PLAC1: variants seen among roughly 807,000 people sequenced by gnomAD.
PLAC1 encodes the protein placenta-specific protein 1.
For synonymous variants in PLAC1, 68 were observed against 62.1 expected (o/e 1.09, Z -0.44); for missense variants, 136 against 163.2 (o/e 0.83, Z 0.91).
At chrX:134,751,256 G>A (rs1284723938) in intron 1 of PLAC1, among the ~76,000 whole-genome samples, 2 of 108,875 alleles carry the variant, frequency 1.8e-5, no homozygotes, top group African/African-American at 3.4e-5. Flanking sequence ...TGAATGGGAC[G>A]GTGCAAATGT....
intron 1 of PLAC1, among the ~76,000 whole-genome samples, chrX:134,623,198 G>T (rs1338614375): frequency 1.8e-5 from 2 of 112,073 alleles, no homozygotes; most frequent in Non-Finnish European, 3.8e-5. Context: ...TGTGAACCCA[G>T]GGACACTAAG....
At chrX:134,615,250 G>C (rs2078173935) in intron 1 of PLAC1, among the ~76,000 whole-genome samples, 1 of 111,839 alleles carries the variant, frequency 8.9e-6, no homozygotes, top group Non-Finnish European at 1.9e-5. Context: ...GTTATCTTTT[G>C]ACTTGTTGAC....
intron 1 of PLAC1, chrX:134,604,474 C>T (rs1052420049): frequency 1.8e-5 from 2 of 111,853 alleles, no homozygotes; most frequent in Non-Finnish European, 3.8e-5. Context: ...CCTTTCATCT[C>T]TAGGGCCTCT....
intron 2 of PLAC1, among the ~76,000 whole-genome samples, chrX:134,567,775 G>A (rs1220185268): frequency 1.1e-5 from 1 of 91,811 alleles, no homozygotes; most frequent in African/African-American, 4.1e-5. Context: ...AAAAAAAAAA[G>A]GGAAGAAAGA....
At chrX:134,725,015 A>T (rs1042384811) in intron 2 of PLAC1, among the ~76,000 whole-genome samples, 1 of 110,750 alleles carries the variant, frequency 9.0e-6, no homozygotes, top group Non-Finnish European at 1.9e-5. Flanking sequence ...AAAAAAAAAA[A>T]ATTCCCACTT....
chrX:134,727,435 T>C, intron 2 of PLAC1, among the ~76,000 whole-genome samples: 1 of 112,274 alleles, frequency 8.9e-6, no homozygotes. Flanking sequence ...GGTTGCTCCA[T>C]GAAGATCTAA....
chrX:134,576,106 C>A (rs5933426), intron 2 of PLAC1, among the ~76,000 whole-genome samples: 54,989 of 107,285 alleles, frequency 0.51, 11,662 homozygotes, highest in East Asian at 0.66. Context: ...CACTGGACTA[C>A]AAATGTTTAG....
intron 1 of PLAC1, among the ~76,000 whole-genome samples, chrX:134,625,682 C>T (rs955686281): frequency 2.7e-5 from 3 of 111,597 alleles, no homozygotes; most frequent in Non-Finnish European, 5.6e-5. Flanking sequence ...TTGGCAGGGG[C>T]TGCTTCCTTG....
chrX:134,649,137 G>A lies in PLAC1; in HGVS notation c.-131+9191C>T, dbSNP rs183117637. ...CAAAAAATTAGCAGGGCGTGGTGGCGGGTGCCTGTAATCCCAGCTACTCAG... is the reference window on the plus strand; with the variant it reads ...CAAAAAATTAGCAGGGCGTGGTGGCAGGTGCCTGTAATCCCAGCTACTCAG... On this transcript the variant is annotated intron_variant, in intron 1 of 2. Coordinates refer to ENST00000359237, the MANE Select transcript of PLAC1 (RefSeq NM_021796.4). 4.1e-3 allele frequency among the ~76,000 whole-genome samples: 444 copies of A among 108,250 alleles called. 1 individual carries two copies. Among genetic ancestry groups the A allele is most frequent in the African/African-American group, 0.014 (427 of 29,654 alleles). The allele number at this position is 108,250 out of a possible 115,157, so 94.0% of individuals were successfully genotyped here.
chrX:134,583,127 G>T (rs1477091785), intron 2 of PLAC1, among the ~76,000 whole-genome samples: 1 of 111,580 alleles, frequency 9.0e-6, no homozygotes, highest in Non-Finnish European at 1.9e-5. Context: ...TATTATTGTT[G>T]AATATAGAAA....
chrX:134,671,189 A>G (rs2078454217), intron 2 of PLAC1, among the ~76,000 whole-genome samples: 1 of 111,973 alleles, frequency 8.9e-6, no homozygotes, highest in Non-Finnish European at 1.9e-5. Flanking sequence ...CTAGATCAAT[A>G]GACTGGCATG....
At chrX:134,618,605 G>A (rs1019475359) in intron 1 of PLAC1, among the ~76,000 whole-genome samples, 2 of 111,310 alleles carry the variant, frequency 1.8e-5, no homozygotes, top group African/African-American at 6.5e-5. Context: ...TAGTAGAGAC[G>A]TGTTTTCGTT....
intron 2 of PLAC1, among the ~76,000 whole-genome samples, chrX:134,675,717 C>T (rs2078472232): frequency 9.0e-6 from 1 of 110,805 alleles, no homozygotes; most frequent in South Asian, 3.8e-4. Flanking sequence ...ATTTATGTCC[C>T]CAAAGGATGG....
intron 1 of PLAC1, among the ~76,000 whole-genome samples, chrX:134,750,459 G>A (rs759629117): frequency 9.1e-6 from 1 of 109,865 alleles, no homozygotes; most frequent in Non-Finnish European, 1.9e-5. Context: ...AAACATTTAC[G>A]CTATGGGTCT....
intron 2 of PLAC1, among the ~76,000 whole-genome samples, chrX:134,725,573 GAAC>G (rs1202507498): frequency 1.8e-5 from 2 of 111,973 alleles, no homozygotes; most frequent in Admixed American, 1.9e-4. Flanking sequence ...ACTACACTTT[GAAC>G]ATCACTGATA....
intron 2 of PLAC1, among the ~76,000 whole-genome samples, chrX:134,720,678 T>C (rs939219854): frequency 2.7e-5 from 3 of 112,425 alleles, no homozygotes; most frequent in African/African-American, 9.7e-5. Context: ...AATTGGACTA[T>C]ATGAAAATGA....
At chrX:134,745,904 C>T (rs1232257142) in intron 1 of PLAC1, among the ~76,000 whole-genome samples, 2 of 111,887 alleles carry the variant, frequency 1.8e-5, no homozygotes, top group Non-Finnish European at 3.8e-5. Flanking sequence ...CCAGTTCCTT[C>T]CTTTCCCAGA....
chrX:134,705,416 CAAAAAAAAAAA>C (rs756637363), intron 2 of PLAC1, among the ~76,000 whole-genome samples: 2 of 28,990 alleles, frequency 6.9e-5, no homozygotes, highest in East Asian at 1.1e-3. Context: ...GACTCCGTCT[CAAAAAAAAAAA>C]AAAAAAAAAG....
chrX:134,576,582 G>T (rs1377942447), intron 2 of PLAC1, among the ~76,000 whole-genome samples: 5 of 109,516 alleles, frequency 4.6e-5, no homozygotes, highest in Non-Finnish European at 9.5e-5. Flanking sequence ...ATATATTGAA[G>T]TCTTAACCCC....
Sources: gnomAD v4.1 joint callset for allele counts (sites outside exome capture counted in the v4.1 genomes callset) on GRCh38, gnomAD v4.1.1 for gene constraint, MANE v1.5 for transcripts, NCBI Gene and HGNC (gene_info 2026-07-23, HGNC 2026-07-21) for gene names.